ANKMY2: variants seen among roughly 807,000 people sequenced by gnomAD.
ANKMY2 encodes the protein ankyrin repeat and MYND domain-containing protein 2.
ANKMY2 carries 36 observed loss-of-function variants against 50.4 expected under a neutral mutation model. The ratio of observed to expected loss-of-function variants is 0.71; its 90% CI spans 0.55 to 0.94. The LOEUF (loss-of-function observed/expected upper bound fraction) is 0.94, where lower values mean the gene tolerates loss of function less well. Ranked by LOEUF, ANKMY2 falls within the 40% of genes least tolerant of loss-of-function variation. The pLI, the probability that ANKMY2 is intolerant of heterozygous loss-of-function variation, is 0.00. For synonymous variants in ANKMY2, 187 were observed against 178.8 expected, an observed-to-expected ratio of 1.05 and a Z score of -0.36; for missense variants, 565 against 524.0, an observed-to-expected ratio of 1.08 and a Z score of -0.76.
At chr7:16,602,630 T>C in intron 8 of ANKMY2, 121 bp from the exon 9 acceptor site, 1 of 1,243,430 alleles carries the variant, frequency 8.0e-7, no homozygotes, top group East Asian at 2.4e-5. Context: ...TTTAAAACCA[T>C]AATATGTGGT....
At chr7:16,634,070 C>A (rs898471286) in intron 2 of ANKMY2, among the ~76,000 whole-genome samples, 1 of 152,086 alleles carries the variant, frequency 6.6e-6, no homozygotes, top group South Asian at 2.1e-4. Context: ...AACCCCTTTC[C>A]CTTCTGCATG....
Position 16,609,616 on chromosome 7 carries a change from A to G in ANKMY2, c.882+14T>C, listed in dbSNP as rs1356777804. 3 of 1,591,386 alleles carry G rather than the reference A, an allele frequency of 1.9e-6. No homozygotes were observed. Among genetic ancestry groups the G allele is most frequent in the East Asian group, 4.6e-5 (2 of 43,754 alleles). On this transcript the variant is annotated intron_variant, in intron 7 of 9. Transcript: ENST00000306999. Reference sequence around the variant, plus strand: ...TTTTACTGATAGAGTCAACTTAGGTAAGAGGAGCCTTACAATTTCAACAGG... The same window carrying G: ...TTTTACTGATAGAGTCAACTTAGGTGAGAGGAGCCTTACAATTTCAACAGG...
intron 4 of ANKMY2, among the ~76,000 whole-genome samples, chr7:16,621,291 AC>A (rs1353561718): frequency 6.6e-6 from 1 of 152,194 alleles, no homozygotes; most frequent in Non-Finnish European, 1.5e-5. Context: ...ATTAAATATT[AC>A]TGAAAGACCA....
chr7:16,618,317 A>T (rs1337499842), intron 4 of ANKMY2, among the ~76,000 whole-genome samples: 1 of 152,238 alleles, frequency 6.6e-6, no homozygotes, highest in African/African-American at 2.4e-5. Flanking sequence ...GATCGAGTGG[A>T]TGAAATATCT....
chr7:16,610,777 C>G lies in ANKMY2; in HGVS notation c.532-14G>C. On this transcript the variant is annotated splice_polypyrimidine_tract_variant and intron_variant, in intron 5 of 9. Coordinates refer to ENST00000306999, the MANE Select transcript of ANKMY2 (RefSeq NM_020319.3). ...AAGCATCACGATCTAGAGGAAATCC[C>G]AGTGTACTCAGGTATTAAAGGAGAC... 6.2e-7 allele frequency: 1 copy of G among 1,610,226 alleles called. No homozygotes were observed. Among genetic ancestry groups the G allele is most frequent in the Non-Finnish European group, 8.5e-7 (1 of 1,177,478 alleles).
chr7:16,639,312 A>G (rs1781715050), intron 1 of ANKMY2, among the ~76,000 whole-genome samples: 1 of 152,186 alleles, frequency 6.6e-6, no homozygotes, highest in Non-Finnish European at 1.5e-5. Flanking sequence ...GTTAAATCTG[A>G]TTTAACAAAC....
intron 4 of ANKMY2, among the ~76,000 whole-genome samples, chr7:16,617,983 AGTCACGTGAT>A (rs1364392824): frequency 7.1e-6 from 1 of 140,864 alleles, no homozygotes; most frequent in Non-Finnish European, 1.5e-5. Context: ...GCTGTAGTGC[AGTCACGTGAT>A]CTTGGCTCAC....
chr7:16,613,511 C>T (rs1781290663), intron 5 of ANKMY2, among the ~76,000 whole-genome samples: 2 of 152,050 alleles, frequency 1.3e-5, no homozygotes, highest in Non-Finnish European at 2.9e-5. Flanking sequence ...AAGGTCTGGT[C>T]TGGAGGAAGG....
chr7:16,612,960 T>C (rs186269292), intron 5 of ANKMY2, among the ~76,000 whole-genome samples: 2 of 152,362 alleles, frequency 1.3e-5, no homozygotes, highest in Admixed American at 1.3e-4. Context: ...GTTTATGTAG[T>C]GGCATTTTGA....
At chr7:16,632,850 C>T (rs10452775) in intron 2 of ANKMY2, among the ~76,000 whole-genome samples, 2 of 152,100 alleles carry the variant, frequency 1.3e-5, no homozygotes, top group East Asian at 1.9e-4. Context: ...AGTGGCTACA[C>T]GATTTAACAT....
chr7:16,604,644 A>C (rs369924009), intron 8 of ANKMY2, 77 bp downstream of exon 8: 2 of 1,520,790 alleles, frequency 1.3e-6, no homozygotes, highest in African/African-American at 1.4e-5. Context: ...CCACTCTTAC[A>C]GAATATTAAA....
intron 1 of ANKMY2, chr7:16,644,923 G>A: frequency 2.9e-6 from 1 of 340,396 alleles, no homozygotes; most frequent in South Asian, 2.2e-5. Flanking sequence ...TGTCTCTCTA[G>A]GGTTCCTGAG....
chr7:16,621,099 G>C (rs57148374), intron 4 of ANKMY2, among the ~76,000 whole-genome samples: 26,870 of 152,086 alleles, frequency 0.18, 2,657 homozygotes, highest in Middle Eastern at 0.26. Flanking sequence ...GCTAGAAAAC[G>C]CAGTAAACTG....
At chr7:16,602,159 C>T (rs1781076728) in intron 9 of ANKMY2, among the ~76,000 whole-genome samples, 1 of 152,184 alleles carries the variant, frequency 6.6e-6, no homozygotes, top group African/African-American at 2.4e-5. Flanking sequence ...AAATAAGCTA[C>T]ATCCCTCAGA....
Position 16,600,773 on chromosome 7 carries a change from C to A in ANKMY2, c.1314G>T (p.Val438=). ...GLQDAPAGPQ[V]SEE Reference sequence around the variant, plus strand: ...CTTGCTCTGGCTTTTACTCCTCAGACACCTGTGGCCCTGCAGGAGCATCCT... The same window carrying A: ...CTTGCTCTGGCTTTTACTCCTCAGAAACCTGTGGCCCTGCAGGAGCATCCT... The change falls in exon 10 of 10, where the codon GTG becomes GTT. Residue 438 remains valine, a synonymous_variant. Coordinates refer to ENST00000306999, the MANE Select transcript of ANKMY2 (RefSeq NM_020319.3). 1.2e-6 allele frequency: 2 copies of A among 1,608,638 alleles called. No homozygotes were observed. Among genetic ancestry groups the A allele is most frequent in the Non-Finnish European group, 1.7e-6 (2 of 1,177,534 alleles).
rs377221360 is a variant in ANKMY2, at chr7:16,602,370, A to G, written c.1141+10T>C. 7.5e-6 allele frequency: 12 copies of G among 1,609,524 alleles called. No homozygotes were observed. The African/African-American group carries it at 1.3e-4, about 18-fold the overall frequency. On this transcript the variant is annotated intron_variant, in intron 9 of 9. Coordinates refer to ENST00000306999, the MANE Select transcript of ANKMY2 (RefSeq NM_020319.3). ...AAAAAGCAGAGTGAACTCGGTTTTT[A>G]TATACATACGGTTTTCCTCTTGTCT...
intron 1 of ANKMY2, chr7:16,644,616 G>C: frequency 2.2e-6 from 1 of 447,866 alleles, no homozygotes; most frequent in Non-Finnish European, 4.6e-6. Flanking sequence ...TTAATTGCCC[G>C]GAGTCGCACG....
At chr7:16,610,784 C>A in intron 5 of ANKMY2, 21 bp from the exon 6 acceptor site, 2 of 1,606,176 alleles carry the variant, frequency 1.2e-6, no homozygotes, top group South Asian at 2.2e-5. Context: ...TCCCAGTGTA[C>A]TCAGGTATTA....
chr7:16,620,689 C>A (rs1270429833), intron 4 of ANKMY2, among the ~76,000 whole-genome samples: 2 of 151,642 alleles, frequency 1.3e-5, no homozygotes, highest in South Asian at 2.1e-4. Flanking sequence ...AGGAGGAATG[C>A]AACCACATAT....
Sources: gnomAD v4.1 joint callset for allele counts (sites outside exome capture counted in the v4.1 genomes callset) on GRCh38, gnomAD v4.1.1 for gene constraint, MANE v1.5 for transcripts, NCBI Gene and HGNC (gene_info 2026-07-23, HGNC 2026-07-21) for gene names.